The following ARHGAP35 variants were observed in gnomAD, a reference collection of about 807,000 sequenced individuals.
ARHGAP35 encodes the protein Rho GTPase activating protein 35, also known as rho GTPase-activating protein 35.
In ARHGAP35, 15 loss-of-function variants were observed where a neutral mutation model predicts 111.1. That is an observed-to-expected ratio of 0.13 (90% CI 0.09 to 0.21). The LOEUF (loss-of-function observed/expected upper bound fraction) is 0.21. ARHGAP35 is among the 10% of genes least tolerant of loss of function. ARHGAP35 has a pLI of 1.00. For missense variants in ARHGAP35, 1,262 were observed against 1,873.0 expected (o/e 0.67, Z 6.02); for synonymous variants, 643 against 710.3 (o/e 0.91, Z 1.51).
chr19:46,869,668 A>G (rs1222779102), intron 1 of ARHGAP35, among the ~76,000 whole-genome samples: 2 of 152,180 alleles, frequency 1.3e-5, no homozygotes, highest in Non-Finnish European at 2.9e-5. Context: ...GGGCAATTAA[A>G]AAGAGTTCTT....
At chr19:46,911,882 A>T (rs1389410435) in intron 1 of ARHGAP35, among the ~76,000 whole-genome samples, 1 of 152,154 alleles carries the variant, frequency 6.6e-6, no homozygotes, top group African/African-American at 2.4e-5. Context: ...TCTATTTCCA[A>T]CTTTTCTTCT....
intron 2 of ARHGAP35, among the ~76,000 whole-genome samples, chr19:46,923,837 C>T (rs1020456697): frequency 1.3e-5 from 2 of 150,906 alleles, no homozygotes; most frequent in Admixed American, 1.3e-4. Flanking sequence ...AGGAGAATCA[C>T]GTGAACCTGG....
intron 2 of ARHGAP35, among the ~76,000 whole-genome samples, chr19:46,931,140 G>C (rs2056270546): frequency 6.6e-6 from 1 of 152,164 alleles, no homozygotes; most frequent in African/African-American, 2.4e-5. Context: ...AGTGTGAGCA[G>C]CACAGTGTAA....
At chr19:46,894,537 C>T (rs1333993241) in intron 1 of ARHGAP35, among the ~76,000 whole-genome samples, 1 of 150,202 alleles carries the variant, frequency 6.7e-6, no homozygotes, top group East Asian at 1.9e-4. Flanking sequence ...CCTCTGCCTC[C>T]TGGGTTCAAG....
intron 2 of ARHGAP35, among the ~76,000 whole-genome samples, chr19:46,929,207 C>T (rs538575127): frequency 6.6e-5 from 10 of 152,164 alleles, no homozygotes; most frequent in East Asian, 1.9e-4. Context: ...TAAACTTGGG[C>T]GTGGAATTTT....
chr19:46,962,109 T>C (rs6509303), intron 3 of ARHGAP35, among the ~76,000 whole-genome samples: 37,354 of 152,150 alleles, frequency 0.25, 4,808 homozygotes, highest in Non-Finnish European at 0.29. Flanking sequence ...CTGTGGGTGC[T>C]GTTTACACAA....
intron 1 of ARHGAP35, among the ~76,000 whole-genome samples, chr19:46,888,261 AATATATATATATATATATATATATATAT>A (rs1175667788): frequency 0.1 from 1,904 of 19,016 alleles, 108 homozygotes; most frequent in African/African-American, 0.14. Context: ...CTCAATCAAT[AATATATATATATATATATATATATATAT>A]ATATATATAT....
At chr19:46,897,562 T>C (rs968958635) in intron 1 of ARHGAP35, among the ~76,000 whole-genome samples, 6 of 151,932 alleles carry the variant, frequency 3.9e-5, no homozygotes, top group African/African-American at 1.2e-4. Flanking sequence ...TCCAAGCAGG[T>C]TGAAAACTGA....
rs371105937 is a variant in ARHGAP35, at chr19:46,992,320, C to T, written c.4036+2645C>T. 3.1e-4 allele frequency among the ~76,000 whole-genome samples: 47 copies of T among 152,264 alleles called. No homozygotes were observed. In the East Asian group the frequency reaches 3.3e-3, roughly 11 times the overall value. On this transcript the variant is annotated intron_variant, in intron 5 of 6. Coordinates refer to ENST00000672722, the MANE Select transcript of ARHGAP35 (RefSeq NM_004491.5). This position sits in a 1 kb window ranked among gnomAD's most constrained non-coding sequence, Gnocchi z 4.4. Reference sequence around the variant, plus strand: ...TGGCAAGCCGGGGCTTGAGTCCCTGCGTACGTGGGTGCAAATGAAGTTCTC... The same window carrying T: ...TGGCAAGCCGGGGCTTGAGTCCCTGTGTACGTGGGTGCAAATGAAGTTCTC...
At chr19:46,924,524 C>T (rs2056227515) in intron 2 of ARHGAP35, among the ~76,000 whole-genome samples, 1 of 152,216 alleles carries the variant, frequency 6.6e-6, no homozygotes, top group Non-Finnish European at 1.5e-5. Flanking sequence ...TTTTCCTTTG[C>T]CTGGCTTTTC....
chr19:46,941,021 C>T (rs897474577), intron 3 of ARHGAP35, among the ~76,000 whole-genome samples: 1 of 148,872 alleles, frequency 6.7e-6, no homozygotes, highest in South Asian at 2.1e-4. Context: ...TGTTACTATG[C>T]CATTGTCCCC....
At chr19:46,872,647 G>T (rs1036512130) in intron 1 of ARHGAP35, among the ~76,000 whole-genome samples, 1 of 152,068 alleles carries the variant, frequency 6.6e-6, no homozygotes, top group African/African-American at 2.4e-5. Flanking sequence ...TTGGGAGGCC[G>T]AGGCGGGCGG....
Position 46,996,153 on chromosome 19 carries a change from G to C in ARHGAP35, c.4037-3151G>C, listed in dbSNP as rs1285655233. On this transcript the variant is annotated intron_variant, in intron 5 of 6. Coordinates refer to ENST00000672722, the MANE Select transcript of ARHGAP35 (RefSeq NM_004491.5). The stretch of plus-strand genomic sequence containing the variant: ...GAGTCTTGCTCTGTCACCCAGGCTG[G>C]AGCACAGTGGCACGATCTTGGCTCA... Among the ~76,000 whole-genome samples, 4 of 152,130 alleles carry C rather than the reference G, an allele frequency of 2.6e-5. No individual in the cohort carries two copies. In the East Asian group the frequency reaches 7.7e-4, roughly 29 times the overall value.
chr19:46,960,358 T>C (rs1023100428), intron 3 of ARHGAP35, among the ~76,000 whole-genome samples: 5 of 152,212 alleles, frequency 3.3e-5, no homozygotes, highest in African/African-American at 1.2e-4. Flanking sequence ...GGAGCCAATG[T>C]AGACCAATAT....
At position 46,968,891 on chromosome 19, in the gene ARHGAP35, A is replaced by T. The variant is rs139284750; in HGVS notation, c.3827-19098A>T. The stretch of plus-strand genomic sequence containing the variant: ...CATCTCAGGTCGGGAGTTCAAGACC[A>T]TCCTGGCCAACATGATGAAACCCTG... On this transcript the variant is annotated intron_variant, in intron 3 of 6. Coordinates refer to ENST00000672722, the MANE Select transcript of ARHGAP35 (RefSeq NM_004491.5). 6.0e-3 allele frequency among the ~76,000 whole-genome samples: 909 copies of T among 152,312 alleles called. 4 individuals are homozygous for T. The highest frequency in any genetic ancestry group is 0.02 in the South Asian group (97 of 4,824).
chr19:46,984,613 C>T (rs1009256930), intron 3 of ARHGAP35, among the ~76,000 whole-genome samples: 9 of 152,262 alleles, frequency 5.9e-5, no homozygotes, highest in African/African-American at 1.9e-4. Context: ...TAAATTACGC[C>T]GTGGTATTGT....
At chr19:46,963,564 G>A (rs1013822579) in intron 3 of ARHGAP35, among the ~76,000 whole-genome samples, 21 of 152,168 alleles carry the variant, frequency 1.4e-4, no homozygotes, top group African/African-American at 3.6e-4. Flanking sequence ...TGACTTTGCC[G>A]TCCCTCCTGT....
chr19:46,976,437 G>A (rs2056580323), intron 3 of ARHGAP35, among the ~76,000 whole-genome samples: 1 of 152,278 alleles, frequency 6.6e-6, no homozygotes, highest in African/African-American at 2.4e-5. Flanking sequence ...TCAGAACAGT[G>A]TGCCCTGGCA....
In ARHGAP35 at chr19:46,922,165, C is replaced by A; in HGVS notation, c.3490C>A (p.Arg1164=). The change falls in exon 2 of 7, where the codon CGG becomes AGG. Residue 1164 remains arginine (R), a synonymous_variant. Coordinates refer to ENST00000672722, the MANE Select transcript of ARHGAP35 (RefSeq NM_004491.5). This position sits in a 1 kb window ranked among gnomAD's most constrained non-coding sequence, Gnocchi z 4.0. ...AGTGCTGTACAGGACGAGATGCACCCGGCTGGGGCGGTTTGCTAGTTACCG... is the reference window on the plus strand; with the variant it reads ...AGTGCTGTACAGGACGAGATGCACCAGGCTGGGGCGGTTTGCTAGTTACCG... The part of the protein sequence containing the change: ...KPVLYRTRCT[R]LGRFASYRTS... 6.2e-7 allele frequency: 1 copy of A among 1,613,948 alleles called. No homozygotes were observed. The highest frequency in any genetic ancestry group is 8.5e-7 in the Non-Finnish European group (1 of 1,179,892).
Sources: allele counts gnomAD v4.1 joint callset (sites outside exome capture counted in the v4.1 genomes callset), GRCh38; gene constraint gnomAD v4.1.1; non-coding constraint Gnocchi (gnomAD v3.1); transcripts MANE v1.5; gene names NCBI Gene and HGNC (gene_info 2026-07-23, HGNC 2026-07-21).